The following NR5A2 variants were observed in gnomAD, a reference collection of about 807,000 sequenced individuals.
NR5A2 encodes the protein nuclear receptor subfamily 5 group A member 2.
A neutral mutation model predicts 62.7 loss-of-function variants in NR5A2; 26 were observed. The ratio of observed to expected loss-of-function variants is 0.41; its 90% CI spans 0.30 to 0.58. NR5A2 has a LOEUF of 0.58. NR5A2 is among the 20% of genes least tolerant of loss of function. NR5A2 has a pLI of 0.22. For missense variants in NR5A2, 541 were observed against 669.1 expected (o/e 0.81, Z 2.11); for synonymous variants, 246 against 241.7 (o/e 1.02, Z -0.16).
intron 6 of NR5A2, among the ~76,000 whole-genome samples, chr1:200,113,530 A>T (rs544476685): frequency 6.6e-6 from 1 of 152,332 alleles, no homozygotes; most frequent in South Asian, 2.1e-4. Context: ...TAACCTCTCT[A>T]TCAGAATGAG....
chr1:200,166,517 A>G (rs1653908978), intron 7 of NR5A2, among the ~76,000 whole-genome samples: 1 of 152,230 alleles, frequency 6.6e-6, no homozygotes, highest in African/African-American at 2.4e-5. Context: ...TCATTCGCAT[A>G]TCATGAGACC....
intron 4 of NR5A2, among the ~76,000 whole-genome samples, chr1:200,047,475 A>G (rs1310813457): frequency 2.6e-5 from 4 of 152,236 alleles, no homozygotes; most frequent in Admixed American, 6.5e-5. Flanking sequence ...CCCCTGCAAA[A>G]GAAAACCCCA....
chr1:200,147,589 C>G lies in NR5A2; in HGVS notation c.1379-26374C>G, dbSNP rs1667766767. ...TAAAGCGATCTCCTCTACACGAACG[C>G]TAGGGCAGAGCACATTTTCGCACAG... On this transcript the variant is annotated intron_variant, in intron 7 of 7. Transcript: ENST00000367362. This position sits in a 1 kb window ranked among gnomAD's most constrained non-coding sequence, Gnocchi z 4.9. 1.8e-5 allele frequency: 13 copies of G among 719,754 alleles called. No homozygotes were observed. The highest frequency in any genetic ancestry group is 1.6e-4 in the South Asian group (12 of 74,390). 44.6% of individuals were successfully genotyped at this position (719,754 alleles called of 1,614,324 possible).
chr1:200,101,785 T>C (rs796818717), intron 5 of NR5A2, among the ~76,000 whole-genome samples: 3 of 152,352 alleles, frequency 2.0e-5, no homozygotes, highest in African/African-American at 7.2e-5. Context: ...CCAGATATGA[T>C]GAACTTATCA....
intron 5 of NR5A2, among the ~76,000 whole-genome samples, chr1:200,069,350 T>A (rs1272397082): frequency 1.3e-5 from 2 of 151,898 alleles, no homozygotes; most frequent in Non-Finnish European, 2.9e-5. Flanking sequence ...AACCTCCACC[T>A]CCTGAGTTCA....
At chr1:200,066,256 A>C (rs1663462072) in intron 5 of NR5A2, among the ~76,000 whole-genome samples, 1 of 152,070 alleles carries the variant, frequency 6.6e-6, no homozygotes, top group South Asian at 2.1e-4. Flanking sequence ...AAGCTGATAG[A>C]ATTTGCCAAA....
At chr1:200,028,564 TAG>T (rs1558090922) in intron 1 of NR5A2, among the ~76,000 whole-genome samples, 1 of 152,112 alleles carries the variant, frequency 6.6e-6, no homozygotes, top group Non-Finnish European at 1.5e-5. Flanking sequence ...ATTTAAAAAA[TAG>T]AGTTACAAAC....
chr1:200,152,039 C>A (rs571849787), intron 7 of NR5A2, among the ~76,000 whole-genome samples: 2 of 152,164 alleles, frequency 1.3e-5, no homozygotes, highest in African/African-American at 4.8e-5. Context: ...GATTTTAAAG[C>A]AACAAATACC....
At chr1:200,140,381 A>G (rs1038372724) in intron 7 of NR5A2, among the ~76,000 whole-genome samples, 1 of 151,964 alleles carries the variant, frequency 6.6e-6, no homozygotes, top group African/African-American at 2.4e-5. Context: ...CTCGCCACTT[A>G]TTTTCTTTTA....
chr1:200,052,203 A>G (rs1662667605), intron 5 of NR5A2, among the ~76,000 whole-genome samples: 1 of 152,180 alleles, frequency 6.6e-6, no homozygotes, highest in Admixed American at 6.5e-5. Context: ...ATTAAGGATA[A>G]TAACTCCGGA....
chr1:200,049,117 T>C (rs1454743686), intron 5 of NR5A2, among the ~76,000 whole-genome samples: 1 of 152,158 alleles, frequency 6.6e-6, no homozygotes, highest in Non-Finnish European at 1.5e-5. Flanking sequence ...TTCAGATGGT[T>C]TGTGGCTTAA....
Position 200,174,001 on chromosome 1 carries a change from G to A in NR5A2, c.1417G>A (p.Val473Ile). ...NLENFQLVEG[V>I]QEQVNAALLD... is the part of the protein sequence containing the mutation. ...TGAAAACTTCCAGCTGGTAGAAGGT[G>A]TCCAGGAACAAGTCAATGCCGCCCT... The change falls in exon 8 of 8, where the codon GTC (valine) becomes ATC (isoleucine). Residue 473 changes from valine (V) to isoleucine (I), a missense_variant. Val to Ile is a conservative substitution (Grantham distance 29). Around this residue, in one of 3 missense-constraint regions of NR5A2, gnomAD observed 379 missense variants for 442.0 expected, o/e 0.86. Transcript: ENST00000367362. 6.4e-7 allele frequency: 1 copy of A among 1,565,042 alleles called. No homozygotes were observed. Among genetic ancestry groups the A allele is most frequent in the African/African-American group, 1.4e-5 (1 of 71,960 alleles).
At chr1:200,047,491 G>C (rs1320502793) in intron 4 of NR5A2, among the ~76,000 whole-genome samples, 2 of 152,092 alleles carry the variant, frequency 1.3e-5, no homozygotes, top group Non-Finnish European at 2.9e-5. Context: ...CCCCAAAGCA[G>C]TTTGGGTTTC....
chr1:200,066,639 G>T (rs138709540), intron 5 of NR5A2, among the ~76,000 whole-genome samples: 2,324 of 135,434 alleles, frequency 0.017, 38 homozygotes, highest in East Asian at 0.06. Flanking sequence ...CCAGGCTGGG[G>T]TGCAATGGCA....
intron 5 of NR5A2, among the ~76,000 whole-genome samples, chr1:200,102,863 A>G (rs1440075206): frequency 6.6e-6 from 1 of 152,210 alleles, no homozygotes; most frequent in African/African-American, 2.4e-5. Context: ...TGATCAGGGA[A>G]GACTTCCTGA....
At chr1:200,106,215 G>A (rs60052733) in intron 5 of NR5A2, among the ~76,000 whole-genome samples, 7,854 of 152,048 alleles carry the variant, frequency 0.052, 688 homozygotes, top group African/African-American at 0.18. Flanking sequence ...CCGCCACCAT[G>A]CCCACCTAAT....
chr1:200,060,768 G>T (rs1173226608), intron 5 of NR5A2, among the ~76,000 whole-genome samples: 1 of 151,842 alleles, frequency 6.6e-6, no homozygotes, highest in South Asian at 2.1e-4. Context: ...AATTCTTCAC[G>T]TATGTGTCCT....
At chr1:200,060,528 G>A (rs1238881190) in intron 5 of NR5A2, among the ~76,000 whole-genome samples, 1 of 152,162 alleles carries the variant, frequency 6.6e-6, no homozygotes, top group Non-Finnish European at 1.5e-5. Flanking sequence ...GGCTTAGCAA[G>A]GTGAGTATGC....
At chr1:200,044,132 G>T in intron 3 of NR5A2, 1 of 338,580 alleles carries the variant, frequency 3.0e-6, no homozygotes, top group South Asian at 8.2e-5. Context: ...ATACTTTATT[G>T]TAGTAAAGTG....
Sources: allele counts gnomAD v4.1 joint callset (sites outside exome capture counted in the v4.1 genomes callset), GRCh38; gene constraint gnomAD v4.1.1; regional missense constraint gnomAD v4.1.1; non-coding constraint Gnocchi (gnomAD v3.1); transcripts MANE v1.5; gene names NCBI Gene and HGNC (gene_info 2026-07-23, HGNC 2026-07-21).